The following NFIB variants were observed in gnomAD, a reference collection of about 807,000 sequenced individuals.
The protein encoded by NFIB is nuclear factor 1 B-type.
Under a neutral mutation model 61.5 loss-of-function variants are expected in NFIB, and 11 were observed. The observed-to-expected ratio is 0.18, with a 90% CI of 0.11 to 0.30. The LOEUF is 0.30. NFIB is among the 10% of genes least tolerant of loss of function. The pLI, the probability that NFIB is intolerant of heterozygous loss-of-function variation, is 1.00. For missense variants in NFIB, 471 were observed against 608.9 expected, an observed-to-expected ratio of 0.77 and a Z score of 2.38; for synonymous variants, 260 against 216.5, an observed-to-expected ratio of 1.20 and a Z score of -1.76.
At chr9:14,523,716 C>T in the NFIB span, among the ~76,000 whole-genome samples, 1 of 152,266 alleles carries the variant, frequency 6.6e-6, no homozygotes, top group East Asian at 1.9e-4. Flanking sequence ...ACTTATTAGA[C>T]CCCTGAACGA....
chr9:14,460,196 T>G, the NFIB span, among the ~76,000 whole-genome samples: 1 of 152,036 alleles, frequency 6.6e-6, no homozygotes, highest in African/African-American at 2.4e-5. Flanking sequence ...CCATAAAAAA[T>G]GATGAGTTCA....
rs1310633538 is a variant in NFIB, at chr9:14,321,192, G to A, written c.109-13672C>T. 2.6e-5 allele frequency among the ~76,000 whole-genome samples: 4 copies of A among 152,190 alleles called. No individual in the cohort carries two copies. The East Asian group carries it at 7.7e-4, about 29-fold the overall frequency. ...TTGTGCATTAAAATGTGTCTCAGAC[G>A]TATTGGGGAAAAGAAGACAAGGAGA... On this transcript the variant is annotated intron_variant, in intron 1 of 8. Coordinates refer to the NFIB transcript ENST00000380934.
the NFIB span, among the ~76,000 whole-genome samples, chr9:14,464,161 T>G: frequency 6.6e-6 from 1 of 152,182 alleles, no homozygotes; most frequent in Non-Finnish European, 1.5e-5. Flanking sequence ...GAATAAAAAT[T>G]GAAGATAGAG....
At chr9:14,265,015 T>C (rs2057081193) in intron 2 of NFIB, among the ~76,000 whole-genome samples, 1 of 152,080 alleles carries the variant, frequency 6.6e-6, no homozygotes, top group Non-Finnish European at 1.5e-5. Flanking sequence ...TAGAAAGAGA[T>C]TCAGGGGACA....
Position 14,140,124 on chromosome 9 carries a change from T to C in NFIB, c.925+6565A>G, listed in dbSNP as rs2041517392. Among the ~76,000 whole-genome samples the C allele has an allele frequency of 2.0e-5, 3 of 152,198 alleles. No individual in the cohort carries two copies. In the South Asian group the frequency reaches 6.2e-4, roughly 32 times the overall value. ...TTGAATATTTGCCATTTCATCCCTG[T>C]GATACTAACTGCAGGAATATAAGGA... On this transcript the variant is annotated intron_variant, in intron 6 of 10. Coordinates refer to ENST00000380953, the MANE Select transcript of NFIB (RefSeq NM_001190737.2).
At chr9:14,472,771 G>A in the NFIB span, among the ~76,000 whole-genome samples, 1 of 152,096 alleles carries the variant, frequency 6.6e-6, no homozygotes, top group African/African-American at 2.4e-5. Flanking sequence ...AACCCAGGAG[G>A]TGGAGCTTGC....
At chr9:14,252,725 T>C (rs1022965921) in intron 2 of NFIB, among the ~76,000 whole-genome samples, 1 of 152,132 alleles carries the variant, frequency 6.6e-6, no homozygotes, top group African/African-American at 2.4e-5. Context: ...GAGAACAAGA[T>C]CACGAGAACA....
chr9:14,098,785 A>G (rs2035278339), intron 10 of NFIB, among the ~76,000 whole-genome samples: 1 of 152,226 alleles, frequency 6.6e-6, no homozygotes, highest in Admixed American at 6.5e-5. Flanking sequence ...TCAAGGTGCA[A>G]GCAACTCCTT....
chr9:14,366,284 C>T (rs757898210), intron 1 of NFIB, among the ~76,000 whole-genome samples: 8 of 152,130 alleles, frequency 5.3e-5, no homozygotes, highest in Non-Finnish European at 8.8e-5. Flanking sequence ...TTTAACCTCG[C>T]GTCTGTGAAA....
chr9:14,234,782 T>G (rs544741724), intron 2 of NFIB, among the ~76,000 whole-genome samples: 32 of 148,678 alleles, frequency 2.2e-4, no homozygotes, highest in African/African-American at 6.0e-4. Flanking sequence ...TGCTGGCATT[T>G]GTTCGTTGAA....
intron 2 of NFIB, among the ~76,000 whole-genome samples, chr9:14,275,592 AC>A (rs2057944428): frequency 6.6e-6 from 1 of 152,122 alleles, no homozygotes. Flanking sequence ...ACCCTATCAC[AC>A]CCAGGGGCTT....
intron 1 of NFIB, among the ~76,000 whole-genome samples, chr9:14,312,543 T>A (rs966845103): frequency 2.6e-5 from 4 of 152,208 alleles, no homozygotes; most frequent in Non-Finnish European, 5.9e-5. Context: ...GTTAGTTCCC[T>A]GGGCAGCGAT....
At chr9:14,287,752 T>G (rs143996157) in intron 2 of NFIB, among the ~76,000 whole-genome samples, 14 of 152,118 alleles carry the variant, frequency 9.2e-5, no homozygotes, top group African/African-American at 3.4e-4. Flanking sequence ...TTTCTGCAAT[T>G]ACCTATGAGG....
the NFIB span, among the ~76,000 whole-genome samples, chr9:14,492,191 G>A: frequency 2.0e-5 from 3 of 151,812 alleles, no homozygotes; most frequent in Admixed American, 6.6e-5. Flanking sequence ...GTGAAACCCC[G>A]TCTCTACTAA....
intron 1 of NFIB, among the ~76,000 whole-genome samples, chr9:14,388,710 T>C (rs2061584567): frequency 6.6e-6 from 1 of 152,160 alleles, no homozygotes; most frequent in Non-Finnish European, 1.5e-5. Flanking sequence ...CAGTGGGATT[T>C]GATAGTGGAT....
chr9:14,290,317 A>C (rs1328928320), intron 2 of NFIB, among the ~76,000 whole-genome samples: 1 of 152,056 alleles, frequency 6.6e-6, no homozygotes, highest in Non-Finnish European at 1.5e-5. Context: ...TTTTCTCCGC[A>C]CTTTAGGCAT....
chr9:14,334,214 C>T (rs2060856931), intron 1 of NFIB, among the ~76,000 whole-genome samples: 1 of 152,120 alleles, frequency 6.6e-6, no homozygotes, highest in Non-Finnish European at 1.5e-5. Context: ...TGTATGCATT[C>T]TTTTGGGGTA....
At chr9:14,175,599 T>C (rs2046099889) in intron 3 of NFIB, among the ~76,000 whole-genome samples, 1 of 152,210 alleles carries the variant, frequency 6.6e-6, no homozygotes, top group South Asian at 2.1e-4. Context: ...TAAGGTGGCT[T>C]ACTTGAGGTA....
In NFIB at chr9:14,314,020, C is replaced by G; in HGVS notation, c.-509G>C. 9.4e-7 allele frequency: 1 copy of G among 1,067,274 alleles called. No individual in the cohort carries two copies. Among genetic ancestry groups the G allele is most frequent in the Non-Finnish European group, 1.1e-6 (1 of 881,992 alleles). 66.1% of individuals were successfully genotyped at this position (1,067,274 alleles called of 1,614,324 possible). On this transcript the variant is annotated 5_prime_UTR_variant, in exon 1 of 11. Transcript: ENST00000380953. ...GGAGAGCGGGGAGAATGTGTCACCG[C>G]GCTGGGAAAGTTCAAGGTTACAGCC...
Sources: gnomAD v4.1 joint callset for allele counts (sites outside exome capture counted in the v4.1 genomes callset) on GRCh38, gnomAD v4.1.1 for gene constraint, MANE v1.5 for transcripts, NCBI Gene and HGNC (gene_info 2026-07-23, HGNC 2026-07-21) for gene names.